Variants in CUBN observed in about 807,000 individuals in gnomAD.
The protein encoded by CUBN is 460 kDa receptor.
A neutral mutation model predicts 405.3 loss-of-function variants in CUBN; 282 were observed. The ratio of observed to expected loss-of-function variants is 0.70; its 90% CI spans 0.63 to 0.77. The LOEUF (loss-of-function observed/expected upper bound fraction) is 0.77. CUBN is among the 30% of genes least tolerant of loss of function. CUBN has a pLI of 0.00. For synonymous variants in CUBN, 1,684 were observed against 1,617.0 expected (o/e 1.04, Z -0.99); for missense variants, 4,514 against 4,475.2 (o/e 1.01, Z -0.25).
At chr10:16,840,061 T>C (rs1463705444) in intron 62 of CUBN, among the ~76,000 whole-genome samples, 1 of 114,696 alleles carries the variant, frequency 8.7e-6, no homozygotes, top group Non-Finnish European at 1.7e-5. Context: ...CACCGGGGCC[T>C]GTTGTGGGGT....
chr10:17,035,151 GA>G (rs1056220425), intron 27 of CUBN, among the ~76,000 whole-genome samples: 10 of 150,822 alleles, frequency 6.6e-5, no homozygotes, highest in African/African-American at 2.4e-4. Flanking sequence ...GGCAAATTCT[GA>G]AAAACTAAAT....
chr10:16,918,935 T>C (rs1841963383), intron 44 of CUBN, 135 bp from the exon 45 acceptor site: 1 of 842,804 alleles, frequency 1.2e-6, no homozygotes. Flanking sequence ...AGAATCAGCA[T>C]AAGCCATGTC....
intron 60 of CUBN, among the ~76,000 whole-genome samples, chr10:16,846,279 T>A (rs767362692): frequency 5.9e-5 from 9 of 152,230 alleles, no homozygotes; most frequent in Non-Finnish European, 1.0e-4. Context: ...CCACCCGTAT[T>A]TGTTTACATT....
chr10:16,867,890 T>A (rs577641007), intron 59 of CUBN, among the ~76,000 whole-genome samples: 3 of 152,136 alleles, frequency 2.0e-5, no homozygotes, highest in Non-Finnish European at 4.4e-5. Flanking sequence ...ATGCAGATGA[T>A]AGCAGTGAGG....
rs190758722 is a variant in CUBN at position 16,974,485 on chromosome 10, G to A, written c.4695+7999C>T. Reference sequence around the variant, plus strand: ...GTCGCCCAGGCTGGAGTGCAGTGGCGTGATCTTGGCTCAATGCAAGCTCTG... The same window carrying A: ...GTCGCCCAGGCTGGAGTGCAGTGGCATGATCTTGGCTCAATGCAAGCTCTG... On this transcript the variant is annotated intron_variant, in intron 31 of 66. Transcript: ENST00000377833. 4.2e-3 allele frequency among the ~76,000 whole-genome samples: 635 copies of A among 151,728 alleles called. 4 individuals are homozygous for A. Among genetic ancestry groups the A allele is most frequent in the Non-Finnish European group, 7.7e-3 (522 of 67,928 alleles).
At chr10:16,849,914 A>G (rs1436433756) in intron 60 of CUBN, among the ~76,000 whole-genome samples, 2 of 152,106 alleles carry the variant, frequency 1.3e-5, no homozygotes, top group Admixed American at 6.5e-5. Context: ...GTCTAAAGTC[A>G]TTAGTTTGAC....
intron 31 of CUBN, 102 bp from the exon 32 acceptor site, chr10:16,954,650 C>T (rs1156356108): frequency 6.3e-6 from 8 of 1,269,900 alleles, no homozygotes; most frequent in South Asian, 1.3e-5. Context: ...GATAATCACA[C>T]GTTTGCTGGA....
chr10:17,051,844 C>T (rs78582303), intron 22 of CUBN, among the ~76,000 whole-genome samples: 5,663 of 151,502 alleles, frequency 0.037, 229 homozygotes, highest in South Asian at 0.22. Flanking sequence ...AATTAGAGAA[C>T]CAGAAGAAGA....
chr10:16,926,477 G>A (rs1194910184), intron 41 of CUBN, among the ~76,000 whole-genome samples: 1 of 152,108 alleles, frequency 6.6e-6, no homozygotes, highest in African/African-American at 2.4e-5. Context: ...AAGGGGTGGA[G>A]GACAGGGAAG....
At chr10:17,125,077 C>T (rs1837142980) in intron 4 of CUBN, among the ~76,000 whole-genome samples, 1 of 152,044 alleles carries the variant, frequency 6.6e-6, no homozygotes, top group Non-Finnish European at 1.5e-5. Flanking sequence ...CATGATCCAC[C>T]TGCCTCGGCC....
chr10:17,015,869 T>C (rs543522357), intron 28 of CUBN, among the ~76,000 whole-genome samples: 101 of 152,306 alleles, frequency 6.6e-4, no homozygotes, highest in Admixed American at 2.0e-3. Flanking sequence ...GCCTGCTCCA[T>C]TTTTTGTCCT....
intron 28 of CUBN, among the ~76,000 whole-genome samples, chr10:17,000,312 CAT>C (rs4027575): frequency 0.63 from 95,860 of 152,002 alleles, 30,719 homozygotes; most frequent in African/African-American, 0.76. Flanking sequence ...CCATCAGCAA[CAT>C]ATATAGCAGC....
intron 53 of CUBN, 121 bp downstream of exon 53, chr10:16,900,504 G>C (rs1289166363): frequency 1.2e-6 from 1 of 804,864 alleles, no homozygotes; most frequent in Non-Finnish European, 2.1e-6. Flanking sequence ...TGCTGCATGA[G>C]ATGACATGTG....
intron 26 of CUBN, 115 bp from the exon 27 acceptor site, chr10:17,041,335 A>T: frequency 1.3e-6 from 1 of 794,734 alleles, no homozygotes; most frequent in Non-Finnish European, 2.2e-6. Flanking sequence ...ACACACACAC[A>T]TATATGATGT....
intron 48 of CUBN, among the ~76,000 whole-genome samples, chr10:16,909,132 G>T (rs1185237623): frequency 6.6e-6 from 1 of 151,764 alleles, no homozygotes; most frequent in Non-Finnish European, 1.5e-5. Context: ...TGATCCACCC[G>T]CCTCGGCCTC....
At chr10:16,889,223 C>T (rs1042993152) in intron 55 of CUBN, among the ~76,000 whole-genome samples, 7 of 152,072 alleles carry the variant, frequency 4.6e-5, no homozygotes, top group African/African-American at 1.7e-4. Flanking sequence ...CATTAAAACA[C>T]ACACAAGTAC....
intron 29 of CUBN, among the ~76,000 whole-genome samples, chr10:16,986,792 C>A (rs1392830830): frequency 6.6e-6 from 1 of 152,184 alleles, no homozygotes; most frequent in African/African-American, 2.4e-5. Flanking sequence ...AAACTGACAG[C>A]ATGTGCTCCC....
Position 16,948,462 on chromosome 10 carries a change from T to G in CUBN, c.5209+16A>C. On this transcript the variant is annotated intron_variant, in intron 35 of 66. Coordinates refer to ENST00000377833, the MANE Select transcript of CUBN (RefSeq NM_001081.4). Reference sequence around the variant, plus strand: ...ATCCCTTTTAACCGCTAGAGTCAGGTGCTAGGGTTTCTTACCCGACACTGA... The same window carrying G: ...ATCCCTTTTAACCGCTAGAGTCAGGGGCTAGGGTTTCTTACCCGACACTGA... The G allele has an allele frequency of 1.2e-6, 2 of 1,613,606 alleles. No homozygotes were observed. The highest frequency in any genetic ancestry group is 1.7e-6 in the Non-Finnish European group (2 of 1,179,772).
chr10:16,836,179 G>T (rs537577893), intron 63 of CUBN, 56 bp downstream of exon 63: 2 of 1,472,092 alleles, frequency 1.4e-6, no homozygotes, highest in Non-Finnish European at 1.9e-6. Flanking sequence ...ATTATTCTAC[G>T]AATAATGGTA....
Sources: allele counts gnomAD v4.1 joint callset (sites outside exome capture counted in the v4.1 genomes callset), GRCh38; gene constraint gnomAD v4.1.1; transcripts MANE v1.5; gene names NCBI Gene and HGNC (gene_info 2026-07-23, HGNC 2026-07-21).